EPHA5: variants seen among roughly 807,000 people sequenced by gnomAD.
The protein encoded by EPHA5 is EPH receptor A5, also known as ephrin type-A receptor 5.
EPHA5 carries 60 observed loss-of-function variants against 105.0 expected under a neutral mutation model. The observed-to-expected ratio is 0.57, with a 90% confidence interval of 0.46 to 0.71. EPHA5 has a LOEUF of 0.71. Among genes scored for constraint, EPHA5 ranks in the 30% least tolerant of loss-of-function variants. The pLI, the probability that EPHA5 is intolerant of heterozygous loss-of-function variation, is 0.00. For synonymous variants in EPHA5, 513 were observed against 449.1 expected, an observed-to-expected ratio of 1.14 and a Z score of -1.80; for missense variants, 1,218 against 1,274.7, an observed-to-expected ratio of 0.96 and a Z score of 0.68.
chr4:65,535,743 T>C (rs1020906483), intron 3 of EPHA5, among the ~76,000 whole-genome samples: 3 of 151,974 alleles, frequency 2.0e-5, no homozygotes, highest in Non-Finnish European at 4.4e-5. Flanking sequence ...GTACATTATA[T>C]ACAAGAGAGA....
chr4:65,407,691 T>A (rs1722495158), intron 7 of EPHA5, among the ~76,000 whole-genome samples: 1 of 150,644 alleles, frequency 6.6e-6, no homozygotes, highest in Admixed American at 6.6e-5. Context: ...ATTTAATTTA[T>A]TTATATAATT....
At chr4:65,360,027 A>G (rs1717123089) in intron 11 of EPHA5, among the ~76,000 whole-genome samples, 1 of 151,578 alleles carries the variant, frequency 6.6e-6, no homozygotes, top group Non-Finnish European at 1.5e-5. Context: ...CTTCCAGGCA[A>G]GTTCCCTTAG....
intron 1 of EPHA5, among the ~76,000 whole-genome samples, chr4:65,660,524 G>A (rs1220453520): frequency 6.6e-6 from 1 of 152,094 alleles, no homozygotes; most frequent in Non-Finnish European, 1.5e-5. Flanking sequence ...AGGAAAGATA[G>A]GGACTAACAT....
chr4:65,478,155 A>G (rs1440149403), intron 5 of EPHA5, among the ~76,000 whole-genome samples: 1 of 152,204 alleles, frequency 6.6e-6, no homozygotes, highest in African/African-American at 2.4e-5. Context: ...TCAATATTTC[A>G]ATATAGACGG....
intron 2 of EPHA5, among the ~76,000 whole-genome samples, chr4:65,623,828 G>A (rs114971828): frequency 0.012 from 1,869 of 152,218 alleles, 12 homozygotes; most frequent in Admixed American, 0.02. Flanking sequence ...AAGATTATAA[G>A]TTATACAGGA....
intron 5 of EPHA5, among the ~76,000 whole-genome samples, chr4:65,474,017 T>C (rs1265427044): frequency 1.3e-5 from 2 of 149,856 alleles, no homozygotes; most frequent in Admixed American, 1.3e-4. Context: ...CCGGGGCCTG[T>C]TGTGGGGTGG....
At chr4:65,465,528 A>AAAGAAAGGAAGG (rs757529518) in intron 5 of EPHA5, among the ~76,000 whole-genome samples, 1 of 76,322 alleles carries the variant, frequency 1.3e-5, no homozygotes, top group African/African-American at 5.5e-5. Context: ...AGAAAGAAAG[A>AAAGAAAGGAAGG]AAAGAAAGGA....
rs373336238 is a variant in EPHA5 at position 65,476,756 on chromosome 4, G to A, written c.1402+13621C>T. On this transcript the variant is annotated intron_variant, in intron 5 of 16. Transcript: ENST00000613740. ...TAAAATATAGTGTCTAAAGAAGAAA[G>A]ATTAACTAAGTAGGCTAAGACCAGC... Among the ~76,000 whole-genome samples the A allele has an allele frequency of 5.9e-5, 9 of 151,968 alleles. No homozygotes were observed. The East Asian group carries it at 1.4e-3, about 23-fold the overall frequency.
At chr4:65,568,398 T>TA (rs1168130545) in intron 3 of EPHA5, among the ~76,000 whole-genome samples, 1 of 151,402 alleles carries the variant, frequency 6.6e-6, no homozygotes, top group Non-Finnish European at 1.5e-5. Context: ...TCCTGTGATA[T>TA]AAAAAAATTA....
chr4:65,654,177 A>T (rs1463014705), intron 1 of EPHA5, among the ~76,000 whole-genome samples: 1 of 152,068 alleles, frequency 6.6e-6, no homozygotes, highest in East Asian at 1.9e-4. Context: ...AGGCCAAGAA[A>T]AACACAGACT....
At position 65,323,911 on chromosome 4, in the gene EPHA5, T is replaced by G. The variant is rs1719834137; in HGVS notation, c.*203A>C. The G allele has an allele frequency of 2.3e-6, 1 of 436,466 alleles. No individual in the cohort carries two copies. The highest frequency in any genetic ancestry group is 3.7e-5 in the South Asian group (1 of 27,364). 27.0% of individuals were successfully genotyped at this position (436,466 alleles called of 1,614,324 possible). ...TGTCCCTTTTAATGCAAGATATGTT[T>G]GCTTCATGAAAAATGAAGACTAAGG... On this transcript the variant is annotated 3_prime_UTR_variant, in exon 17 of 17. Coordinates refer to ENST00000613740, the MANE Select transcript of EPHA5 (RefSeq NM_001281766.3).
chr4:65,420,805 T>C (rs535064720), intron 5 of EPHA5, among the ~76,000 whole-genome samples: 1 of 152,222 alleles, frequency 6.6e-6, no homozygotes, highest in Non-Finnish European at 1.5e-5. Context: ...TGTTTCCAAG[T>C]TGTTTAGAAA....
intron 14 of EPHA5, among the ~76,000 whole-genome samples, chr4:65,345,516 C>T (rs1722130230): frequency 6.6e-6 from 1 of 152,196 alleles, no homozygotes; most frequent in African/African-American, 2.4e-5. Flanking sequence ...GAATGTGTGT[C>T]CCTCCAATAA....
At chr4:65,538,701 TC>T (rs1736533182) in intron 3 of EPHA5, among the ~76,000 whole-genome samples, 1 of 151,664 alleles carries the variant, frequency 6.6e-6, no homozygotes, top group African/African-American at 2.4e-5. Flanking sequence ...CACATAGCGA[TC>T]CAAGCAGAGA....
At chr4:65,562,809 TA>T (rs990060289) in intron 3 of EPHA5, among the ~76,000 whole-genome samples, 5 of 151,850 alleles carry the variant, frequency 3.3e-5, no homozygotes, top group Admixed American at 2.6e-4. Flanking sequence ...ATATAACATT[TA>T]AAAAAATTAG....
chr4:65,614,589 G>A (rs2149464588), intron 2 of EPHA5, among the ~76,000 whole-genome samples: 1 of 151,858 alleles, frequency 6.6e-6, no homozygotes, highest in Non-Finnish European at 1.5e-5. Context: ...GATATCACAA[G>A]CTCTTAATAA....
At chr4:65,348,817 T>TA (rs1560438518) in intron 13 of EPHA5, among the ~76,000 whole-genome samples, 33 of 83,292 alleles carry the variant, frequency 4.0e-4, no homozygotes, top group African/African-American at 1.3e-3. Context: ...ATATATATAT[T>TA]TTTTTTTTTT....
rs114894510 is a variant in EPHA5 at position 65,633,489 on chromosome 4, G to T, written c.246+9874C>A. On this transcript the variant is annotated intron_variant, in intron 2 of 16. Transcript: ENST00000613740. ...CATTTTCATTAATAAATGGGAAGAT[G>T]GAAGGAAAAAACAAAACAAAAATAA... Among the ~76,000 whole-genome samples the T allele has an allele frequency of 7.1e-3, 1,076 of 151,762 alleles. 15 individuals are homozygous for T. Among genetic ancestry groups the T allele is most frequent in the African/African-American group, 0.024 (1,012 of 41,408 alleles).
At chr4:65,392,916 T>G in intron 8 of EPHA5, among the ~76,000 whole-genome samples, 1 of 152,154 alleles carries the variant, frequency 6.6e-6, no homozygotes, top group Admixed American at 6.6e-5. Flanking sequence ...CTCTAAATAC[T>G]TACTGGCCGG....
Sources: allele counts gnomAD v4.1 joint callset (sites outside exome capture counted in the v4.1 genomes callset), GRCh38; gene constraint gnomAD v4.1.1; transcripts MANE v1.5; gene names NCBI Gene and HGNC (gene_info 2026-07-23, HGNC 2026-07-21).